Variants in IGSF10 observed in about 807,000 individuals in gnomAD.
The protein encoded by IGSF10 is immunoglobulin superfamily member 10.
IGSF10 carries 126 observed loss-of-function variants against 128.2 expected under a neutral mutation model. The observed-to-expected ratio is 0.98, with a 90% CI of 0.85 to 1.14. IGSF10 has a LOEUF of 1.14. IGSF10 is among the 50% of genes most tolerant of loss of function. The probability of loss-of-function intolerance (pLI) is 0.00; values close to 1 mark genes in which losing one functional copy is unlikely to be tolerated. For missense variants in IGSF10, 3,295 were observed against 3,149.8 expected (o/e 1.05, Z -1.10); for synonymous variants, 1,185 against 1,146.2 (o/e 1.03, Z -0.68).
At chr3:151,558,939 T>G in the IGSF10 span, among the ~76,000 whole-genome samples, 1 of 152,122 alleles carries the variant, frequency 6.6e-6, no homozygotes, top group African/African-American at 2.4e-5. Context: ...ATTTTAGAAA[T>G]GTAATGCTGA....
Position 151,449,206 on chromosome 3 carries a change from T to C in IGSF10, c.775A>G (p.Met259Val). 1.2e-6 allele frequency: 2 copies of C among 1,614,006 alleles called. No homozygotes were observed. The highest frequency in any genetic ancestry group is 1.1e-5 in the South Asian group (1 of 91,062). The change falls in exon 6 of 8, where the codon ATG becomes GTG. Residue 259 changes from methionine to valine, a missense_variant. Physicochemically the swap from Met to Val is conservative, Grantham distance 21. Coordinates refer to ENST00000282466, the MANE Select transcript of IGSF10 (RefSeq NM_178822.5). ...TTGCCTTTAGAAGTCCTAGGGTTCATGCAAAGTGGACACTGCTGAGCACTA... is the reference window on the plus strand; with the variant it reads ...TTGCCTTTAGAAGTCCTAGGGTTCACGCAAAGTGGACACTGCTGAGCACTA... ...PSSAQQCPLCMNPRTSKGKPL... is the reference protein window; with the variant it reads ...PSSAQQCPLCVNPRTSKGKPL...
the IGSF10 span, among the ~76,000 whole-genome samples, chr3:151,515,617 A>G: frequency 6.6e-6 from 1 of 151,842 alleles, no homozygotes; most frequent in Non-Finnish European, 1.5e-5. Context: ...CTTGAAGTAT[A>G]ATATAAAAAA....
chr3:151,541,819 T>A, the IGSF10 span, among the ~76,000 whole-genome samples: 1 of 152,160 alleles, frequency 6.6e-6, no homozygotes, highest in African/African-American at 2.4e-5. Context: ...GGGCCCAAGC[T>A]AGACCAATCA....
At position 151,458,827 on chromosome 3, in the gene IGSF10, C is replaced by T. The variant is rs1451294577; in HGVS notation, c.-1-117G>A. The T allele has an allele frequency of 8.1e-6, 6 of 740,318 alleles. No individual in the cohort carries two copies. The Admixed American group carries it at 1.8e-4, about 22-fold the overall frequency. The allele number at this position is 740,318 out of a possible 1,614,324, so 45.9% of individuals were successfully genotyped here. A position where few individuals can be genotyped will look rare whatever the true frequency, so the allele number is the denominator to read the frequency against. ...CTTTAAGGGTCGTAAGTGGTCAATT[C>T]CATTCCTACCCTTTGTGGTCATATG... On this transcript the variant is annotated intron_variant, in intron 2 of 7. Coordinates refer to ENST00000282466, the MANE Select transcript of IGSF10 (RefSeq NM_178822.5).
At chr3:151,435,050 CTT>C (rs774147156), downstream of IGSF10, 1 of 140,846 alleles carries the variant, frequency 7.1e-6, no homozygotes, top group Non-Finnish European at 1.5e-5. Flanking sequence ...AATTCTGTAT[CTT>C]GAGAGGTTTC....
the IGSF10 span, among the ~76,000 whole-genome samples, chr3:151,511,426 G>A: frequency 6.6e-6 from 1 of 152,210 alleles, no homozygotes; most frequent in Admixed American, 6.5e-5. Flanking sequence ...GAGAGATTTT[G>A]TCACTATCAG....
At chr3:151,494,154 T>C in the IGSF10 span, among the ~76,000 whole-genome samples, 3 of 152,120 alleles carry the variant, frequency 2.0e-5, no homozygotes, top group African/African-American at 7.2e-5. Flanking sequence ...AAATACCTTT[T>C]AAAATTTTAT....
downstream of IGSF10, chr3:151,435,556 CGGTTT>C (rs1560164826): frequency 1.3e-5 from 2 of 152,068 alleles, no homozygotes; most frequent in African/African-American, 4.8e-5. Flanking sequence ...TAGTAATTCT[CGGTTT>C]TGTGCACTGA....
the IGSF10 span, among the ~76,000 whole-genome samples, chr3:151,486,595 A>G: frequency 6.6e-6 from 1 of 152,238 alleles, no homozygotes; most frequent in African/African-American, 2.4e-5. Context: ...ATGCAAAAGA[A>G]CGGATATCAT....
intron 5 of IGSF10, among the ~76,000 whole-genome samples, chr3:151,450,788 C>T (rs1267537836): frequency 3.4e-5 from 5 of 145,044 alleles, no homozygotes; most frequent in East Asian, 2.1e-4. Flanking sequence ...CCCAGCTGCT[C>T]GGGAGGCTGA....
At chr3:151,462,495 C>T (rs540658613), upstream of IGSF10, among the ~76,000 whole-genome samples, 16 of 152,198 alleles carry the variant, frequency 1.1e-4, 1 homozygote, top group Admixed American at 5.2e-4. Context: ...CACCATAGCA[C>T]CAAAAAGCCT....
chr3:151,462,114 C>A (rs967334010), upstream of IGSF10, among the ~76,000 whole-genome samples: 1 of 152,090 alleles, frequency 6.6e-6, no homozygotes, highest in Non-Finnish European at 1.5e-5. Flanking sequence ...TGTAATATCT[C>A]CTGCAATTCT....
At chr3:151,595,183 G>T in the IGSF10 span, among the ~76,000 whole-genome samples, 8 of 151,978 alleles carry the variant, frequency 5.3e-5, no homozygotes, top group African/African-American at 1.9e-4. Flanking sequence ...AAATTAGTAC[G>T]GACATTATGG....
chr3:151,567,832 G>A, the IGSF10 span, among the ~76,000 whole-genome samples: 8 of 152,192 alleles, frequency 5.3e-5, no homozygotes, highest in Admixed American at 4.6e-4. Flanking sequence ...CAGTAAAGGC[G>A]CTGACCCCTG....
chr3:151,449,732 A>G (rs1176069838), intron 5 of IGSF10, among the ~76,000 whole-genome samples: 2 of 152,220 alleles, frequency 1.3e-5, no homozygotes, highest in Non-Finnish European at 2.9e-5. Flanking sequence ...TTCCTTGGGT[A>G]TCATTAAAAA....
At chr3:151,576,082 GT>G in the IGSF10 span, among the ~76,000 whole-genome samples, 1 of 151,602 alleles carries the variant, frequency 6.6e-6, no homozygotes, top group Non-Finnish European at 1.5e-5. Context: ...TGATGTGTGC[GT>G]GTTGGTCTAT....
the IGSF10 span, among the ~76,000 whole-genome samples, chr3:151,477,046 A>T: frequency 2.6e-5 from 4 of 152,222 alleles, no homozygotes; most frequent in Admixed American, 1.3e-4. Context: ...CCACTGAGGC[A>T]TTCTGGGGTA....
the IGSF10 span, among the ~76,000 whole-genome samples, chr3:151,558,027 A>ATTATATAT: frequency 1.9e-5 from 1 of 52,924 alleles, no homozygotes; most frequent in Non-Finnish European, 3.4e-5. Flanking sequence ...TAATATATAT[A>ATTATATAT]TTGGTACAAT....
At chr3:151,460,410 G>T in intron 1 of IGSF10, 63 bp from the exon 2 acceptor site, 1 of 457,598 alleles carries the variant, frequency 2.2e-6, no homozygotes, top group Non-Finnish European at 2.9e-6. Flanking sequence ...TTGGCTTACA[G>T]CCAGGAGTAA....
Sources: gnomAD v4.1 joint callset for allele counts (sites outside exome capture counted in the v4.1 genomes callset) on GRCh38, gnomAD v4.1.1 for gene constraint, MANE v1.5 for transcripts, NCBI Gene and HGNC (gene_info 2026-07-23, HGNC 2026-07-21) for gene names.